MIAT: variants seen among roughly 807,000 people sequenced by gnomAD.
MIAT encodes the protein myocardial infarction associated transcript.
chr22:26,658,157 G>A (rs1475049570), intron 2 of MIAT: 2 of 43,004 alleles, frequency 4.7e-5, no homozygotes. Context: ...CCAACCCCCC[G>A]AGCCTGCCAT....
chr22:26,667,392 ATGCG>A (rs1286661107), intron 5 of MIAT: 1 of 392,338 alleles, frequency 2.5e-6, no homozygotes, highest in Non-Finnish European at 4.4e-6. Context: ...GTGTGTGTGC[ATGCG>A]TGCATGTGTG....
chr22:26,654,706 A>C (rs1250519718), intron 2 of MIAT, among the ~76,000 whole-genome samples: 1 of 151,876 alleles, frequency 6.6e-6, no homozygotes, highest in Admixed American at 6.6e-5. Context: ...ACATTTATTT[A>C]TTTATTTATT....
intron 2 of MIAT, among the ~76,000 whole-genome samples, chr22:26,654,719 T>A (rs930939625): frequency 4.6e-5 from 7 of 152,196 alleles, no homozygotes; most frequent in East Asian, 1.9e-4. Context: ...TATTTATTTT[T>A]AAATTTTTTT....
At chr22:26,654,429 AGGT>A (rs1466053071) in intron 2 of MIAT, among the ~76,000 whole-genome samples, 7 of 152,248 alleles carry the variant, frequency 4.6e-5, no homozygotes, top group Admixed American at 4.6e-4. Flanking sequence ...ATTATAAAAC[AGGT>A]GGCTTGGGAA....
At chr22:26,667,627 C>T (rs1930900652) in intron 5 of MIAT, 2 of 160,790 alleles carry the variant, frequency 1.2e-5, no homozygotes, top group African/African-American at 4.7e-5. Flanking sequence ...CCTGAGCTAA[C>T]CCTGCCTGGT....
intron 2 of MIAT, among the ~76,000 whole-genome samples, chr22:26,663,145 T>G (rs977307410): frequency 6.6e-6 from 1 of 152,230 alleles, no homozygotes; most frequent in Non-Finnish European, 1.5e-5. Context: ...TGGTTGACAC[T>G]GGCCTGATCA....
intron 5 of MIAT, chr22:26,667,347 T>TGC (rs1285887932): frequency 2.5e-6 from 1 of 397,270 alleles, no homozygotes; most frequent in Admixed American, 4.4e-5. Context: ...TGTGTGTGTG[T>TGC]GTGTGTGCGT....
At chr22:26,670,673 C>T, downstream of MIAT, 1 of 388,902 alleles carries the variant, frequency 2.6e-6, no homozygotes, top group Non-Finnish European at 4.5e-6. Context: ...TAGTGCAGGA[C>T]TTATCAGAAC....
chr22:26,656,641 C>T (rs1365878892), intron 2 of MIAT, among the ~76,000 whole-genome samples: 1 of 152,214 alleles, frequency 6.6e-6, no homozygotes, highest in Admixed American at 6.5e-5. Flanking sequence ...CTAACACGTT[C>T]TCAAGCAATG....
intron 2 of MIAT, among the ~76,000 whole-genome samples, chr22:26,655,429 C>T (rs1930409626): frequency 6.6e-6 from 1 of 152,058 alleles, no homozygotes; most frequent in Non-Finnish European, 1.5e-5. Context: ...TTTATGTGAG[C>T]GATGAAGATG....
chr22:26,647,364 C>T (rs1259766387), intron 2 of MIAT: 12 of 34,910 alleles, frequency 3.4e-4, no homozygotes, highest in Middle Eastern at 6.3e-3. Context: ...GCGGCGGGGA[C>T]GTGGGGGGTG....
downstream of MIAT, chr22:26,673,591 C>T: frequency 2.5e-6 from 1 of 398,742 alleles, no homozygotes. Context: ...GTCTAACATT[C>T]CTCGTTACTG....
intron 2 of MIAT, among the ~76,000 whole-genome samples, chr22:26,652,016 CAG>C (rs1249519765): frequency 3.3e-5 from 5 of 152,198 alleles, no homozygotes; most frequent in Non-Finnish European, 7.3e-5. Context: ...CTTTTTGAGA[CAG>C]AGTTTTGCTC....
intron 2 of MIAT, among the ~76,000 whole-genome samples, chr22:26,651,183 A>T (rs1251883098): frequency 6.6e-6 from 1 of 152,208 alleles, no homozygotes; most frequent in African/African-American, 2.4e-5. Context: ...ACAATCACTC[A>T]CTGCTGAACT....
intron 2 of MIAT, among the ~76,000 whole-genome samples, chr22:26,652,164 T>A (rs1453749964): frequency 2.6e-5 from 4 of 152,022 alleles, no homozygotes; most frequent in Non-Finnish European, 5.9e-5. Flanking sequence ...TGGCTAATAT[T>A]TAAAAGGTCT....
At chr22:26,657,483 A>G in intron 2 of MIAT, 1 of 398,678 alleles carries the variant, frequency 2.5e-6, no homozygotes, top group Non-Finnish European at 4.4e-6. Context: ...GCGCTGCAGC[A>G]GCTACAAAGA....
intron 1 of MIAT, chr22:26,647,070 G>A: frequency 2.5e-6 from 1 of 398,034 alleles, no homozygotes; most frequent in Non-Finnish European, 4.4e-6. Context: ...TAAGCAGCTG[G>A]GGTCCCTGGA....
intron 2 of MIAT, chr22:26,657,347 G>A (rs1930496227): frequency 2.5e-6 from 1 of 396,832 alleles, no homozygotes; most frequent in South Asian, 1.4e-4. Context: ...CCAGGACTCT[G>A]GGCGCGGGTA....
downstream of MIAT, chr22:26,672,520 G>C (rs1931086559): frequency 2.5e-6 from 1 of 399,268 alleles, no homozygotes; most frequent in African/African-American, 2.1e-5. Context: ...GGAAATCTCT[G>C]GGACGTGAGT....
Sources: allele counts gnomAD v4.1 joint callset (sites outside exome capture counted in the v4.1 genomes callset), GRCh38; gene constraint gnomAD v4.1.1; transcripts MANE v1.5; gene names NCBI Gene and HGNC (gene_info 2026-07-23, HGNC 2026-07-21).